Variants in DOK5 observed in about 807,000 individuals in gnomAD.
DOK5 encodes docking protein 5.
Under a neutral mutation model 43.3 loss-of-function variants are expected in DOK5, and 27 were observed. That is an observed-to-expected ratio of 0.62 (90% confidence interval 0.46 to 0.86). The LOEUF (loss-of-function observed/expected upper bound fraction) is 0.86, where lower values mean the gene tolerates loss of function less well. Among genes scored for constraint, DOK5 ranks in the 40% least tolerant of loss-of-function variants. The pLI is 0.00. For missense variants in DOK5, 373 were observed against 392.9 expected (o/e 0.95, Z 0.43); for synonymous variants, 146 against 140.1 (o/e 1.04, Z -0.30).
intron 2 of DOK5, among the ~76,000 whole-genome samples, chr20:54,574,026 G>A (rs1399704761): frequency 2.0e-5 from 3 of 152,152 alleles, no homozygotes; most frequent in African/African-American, 7.2e-5. Flanking sequence ...ATAATCACAT[G>A]CTGGAGCCAA....
In DOK5 at chr20:54,509,866, G is replaced by A. The variant is rs145854150; in HGVS notation, c.66+33854G>A. 5.8e-4 allele frequency among the ~76,000 whole-genome samples: 86 copies of A among 148,690 alleles called. 1 individual carries two copies. Among genetic ancestry groups the A allele is most frequent in the African/African-American group, 1.8e-3 (73 of 40,390 alleles). On this transcript the variant is annotated intron_variant, in intron 1 of 7. Transcript: ENST00000262593. ...AACTAATGCTGCCTGGGAGCTAGTCGACTAAAAACCACCCAGTTACACTGC... is the reference window on the plus strand; with the variant it reads ...AACTAATGCTGCCTGGGAGCTAGTCAACTAAAAACCACCCAGTTACACTGC...
At chr20:54,577,457 T>C (rs1985488446) in intron 2 of DOK5, among the ~76,000 whole-genome samples, 1 of 152,230 alleles carries the variant, frequency 6.6e-6, no homozygotes, top group Non-Finnish European at 1.5e-5. Context: ...ATTCAACTGC[T>C]AAAATAAAAC....
intron 2 of DOK5, among the ~76,000 whole-genome samples, chr20:54,580,270 C>T (rs1985595448): frequency 6.6e-6 from 1 of 152,084 alleles, no homozygotes; most frequent in Non-Finnish European, 1.5e-5. Context: ...TAGGTTATTT[C>T]CCTGTTTTGA....
At chr20:54,645,804 T>C (rs190701373) in intron 7 of DOK5, among the ~76,000 whole-genome samples, 1 of 152,186 alleles carries the variant, frequency 6.6e-6, no homozygotes, top group Admixed American at 6.5e-5. Context: ...TTGTATGCCT[T>C]CCATCAGGAT....
intron 1 of DOK5, among the ~76,000 whole-genome samples, chr20:54,511,029 G>A (rs140277798): frequency 3.1e-3 from 472 of 152,150 alleles, no homozygotes; most frequent in African/African-American, 0.01. Context: ...TATTTTCTAC[G>A]GGCTCAATGC....
intron 6 of DOK5, among the ~76,000 whole-genome samples, chr20:54,631,063 T>A (rs1320321150): frequency 6.6e-6 from 1 of 152,160 alleles, no homozygotes; most frequent in Non-Finnish European, 1.5e-5. Context: ...TGGACTAAGA[T>A]CCAGACATTG....
intron 2 of DOK5, chr20:54,555,250 A>G (rs1174712239): frequency 2.0e-6 from 1 of 510,704 alleles, no homozygotes; most frequent in East Asian, 3.5e-5. Context: ...TATTTGCTGT[A>G]GCTGTTCTTG....
chr20:54,496,765 C>CAAAAAAA (rs74179280), intron 1 of DOK5, among the ~76,000 whole-genome samples: 2 of 59,492 alleles, frequency 3.4e-5, no homozygotes, highest in African/African-American at 5.0e-5. Flanking sequence ...GACTCCGTCT[C>CAAAAAAA]AAAAAAAAAA....
At chr20:54,509,264 C>T (rs1395646174) in intron 1 of DOK5, among the ~76,000 whole-genome samples, 1 of 152,216 alleles carries the variant, frequency 6.6e-6, no homozygotes, top group Non-Finnish European at 1.5e-5. Flanking sequence ...AGTCATGGCT[C>T]ACTGTAGCCT....
chr20:54,571,766 C>G (rs962596463), intron 2 of DOK5, among the ~76,000 whole-genome samples: 7 of 152,130 alleles, frequency 4.6e-5, no homozygotes, highest in Non-Finnish European at 1.0e-4. Context: ...TATGATTCAC[C>G]CTAAACTCCT....
intron 1 of DOK5, among the ~76,000 whole-genome samples, chr20:54,543,021 T>C (rs1984217376): frequency 6.6e-6 from 1 of 151,962 alleles, no homozygotes; most frequent in African/African-American, 2.4e-5. Context: ...TAGCTTAGAG[T>C]AGAGTAGAGT....
intron 5 of DOK5, among the ~76,000 whole-genome samples, chr20:54,606,162 C>A (rs985251789): frequency 1.3e-5 from 2 of 152,178 alleles, no homozygotes; most frequent in Non-Finnish European, 2.9e-5. Flanking sequence ...ACAGGCATTT[C>A]ATTTAGGCAA....
At chr20:54,623,867 C>G (rs2146808588) in intron 6 of DOK5, among the ~76,000 whole-genome samples, 1 of 152,316 alleles carries the variant, frequency 6.6e-6, no homozygotes, top group South Asian at 2.1e-4. Context: ...GCGTGAGCCA[C>G]TGCACCCGGC....
intron 1 of DOK5, among the ~76,000 whole-genome samples, chr20:54,522,260 G>A (rs113914824): frequency 1.3e-5 from 2 of 152,050 alleles, no homozygotes; most frequent in Admixed American, 1.3e-4. Context: ...GAAAGTTTAC[G>A]AATTTGTGTT....
intron 6 of DOK5, among the ~76,000 whole-genome samples, chr20:54,629,931 A>G (rs1978484405): frequency 6.6e-6 from 1 of 152,230 alleles, no homozygotes; most frequent in African/African-American, 2.4e-5. Flanking sequence ...AGCTGAAATG[A>G]GGAGAAGAGC....
At chr20:54,543,342 G>T in intron 1 of DOK5, among the ~76,000 whole-genome samples, 1 of 136,868 alleles carries the variant, frequency 7.3e-6, no homozygotes, top group East Asian at 2.6e-4. Flanking sequence ...TGGGGTGGGT[G>T]GGATTCAGTT....
At chr20:54,602,160 GCAA>G (rs1986318962) in intron 5 of DOK5, among the ~76,000 whole-genome samples, 1 of 152,194 alleles carries the variant, frequency 6.6e-6, no homozygotes, top group Admixed American at 6.5e-5. Context: ...GGTTAAAATA[GCAA>G]CAACAACAAA....
intron 6 of DOK5, among the ~76,000 whole-genome samples, chr20:54,637,815 C>A (rs1459482379): frequency 2.0e-5 from 3 of 152,210 alleles, no homozygotes; most frequent in African/African-American, 7.2e-5. Flanking sequence ...GAATAGGATA[C>A]AGAGATAAAA....
Position 54,574,442 on chromosome 20 carries a change from C to T in DOK5, c.175-14041C>T, listed in dbSNP as rs573915895. On this transcript the variant is annotated intron_variant, in intron 2 of 7. Transcript: ENST00000262593. ...AGCTACCTGAGTGTGTATAGCAGCT[C>T]ACCTATTGACACATCTGAGTTAAAA... is the stretch of plus-strand genomic sequence containing the variant. Among the ~76,000 whole-genome samples the T allele has an allele frequency of 1.1e-4, 16 of 152,144 alleles. No individual in the cohort carries two copies. The South Asian group carries it at 3.3e-3, about 32-fold the overall frequency.
Sources: allele counts gnomAD v4.1 joint callset (sites outside exome capture counted in the v4.1 genomes callset), GRCh38; gene constraint gnomAD v4.1.1; transcripts MANE v1.5; gene names NCBI Gene and HGNC (gene_info 2026-07-23, HGNC 2026-07-21).